The following HDHD5 variants were observed in gnomAD, a reference collection of about 807,000 sequenced individuals.
HDHD5 encodes the protein haloacid dehalogenase like hydrolase domain containing 5.
A neutral mutation model predicts 35.5 loss-of-function variants in HDHD5; 34 were observed. The ratio of observed to expected loss-of-function variants is 0.96; its 90% CI spans 0.73 to 1.28. The LOEUF is 1.28. HDHD5 is among the 50% of genes most tolerant of loss of function. The pLI is 0.00. For synonymous variants in HDHD5, 248 were observed against 240.6 expected (o/e 1.03, Z -0.29); for missense variants, 589 against 560.2 (o/e 1.05, Z -0.52).
At chr22:17,157,815 C>G (rs904361839) in intron 1 of HDHD5, among the ~76,000 whole-genome samples, 1 of 152,212 alleles carries the variant, frequency 6.6e-6, no homozygotes, top group African/African-American at 2.4e-5. Flanking sequence ...AGCTTAGACT[C>G]TGGCACCAGA....
At chr22:17,164,220 C>CA (rs1221623320), upstream of HDHD5, among the ~76,000 whole-genome samples, 2 of 73,336 alleles carry the variant, frequency 2.7e-5, no homozygotes, top group South Asian at 6.8e-4. Context: ...GACTCCATCT[C>CA]AGAAAAAAAA....
intron 3 of HDHD5, among the ~76,000 whole-genome samples, chr22:17,145,595 G>C (rs1217856745): frequency 6.6e-6 from 1 of 152,144 alleles, no homozygotes; most frequent in Non-Finnish European, 1.5e-5. Context: ...AGGAGGCTGG[G>C]GCAGGAGGAT....
At chr22:17,163,802 C>G (rs577094428), upstream of HDHD5, among the ~76,000 whole-genome samples, 93 of 152,328 alleles carry the variant, frequency 6.1e-4, 1 homozygote, top group African/African-American at 2.2e-3. Context: ...AAGTTCCGGC[C>G]TCACACGTGT....
chr22:17,150,954 A>C (rs1236755725), intron 1 of HDHD5, among the ~76,000 whole-genome samples: 1 of 152,230 alleles, frequency 6.6e-6, no homozygotes, highest in Non-Finnish European at 1.5e-5. Context: ...TTTTGCTATG[A>C]AAAATAATGC....
intron 3 of HDHD5, among the ~76,000 whole-genome samples, chr22:17,145,757 C>G (rs114234038): frequency 8.5e-5 from 13 of 152,232 alleles, no homozygotes; most frequent in African/African-American, 2.9e-4. Context: ...AACCAGTGTT[C>G]TCTGAGAACA....
intron 6 of HDHD5, among the ~76,000 whole-genome samples, chr22:17,139,562 T>C (rs1277598373): frequency 2.0e-5 from 3 of 151,790 alleles, no homozygotes; most frequent in Non-Finnish European, 4.4e-5. Flanking sequence ...GACGGTATTC[T>C]TCTCTGCCCT....
At chr22:17,159,526 C>G, upstream of HDHD5, 1 of 460,896 alleles carries the variant, frequency 2.2e-6, no homozygotes, top group South Asian at 1.6e-5. Context: ...GGCGTCCGTA[C>G]TATCGCCCTG....
chr22:17,160,190 G>A (rs5992631), upstream of HDHD5, among the ~76,000 whole-genome samples: 3,277 of 152,214 alleles, frequency 0.022, 106 homozygotes, highest in African/African-American at 0.075. Flanking sequence ...AGAGGGAGTC[G>A]AGGATATGGA....
At chr22:17,159,293 C>CA (rs776065559), upstream of HDHD5, 12 of 1,239,032 alleles carry the variant, frequency 9.7e-6, no homozygotes, top group Middle Eastern at 3.1e-4. Flanking sequence ...GCGGCCCCCC[C>CA]CCCCCGCGAG....
Position 17,151,462 on chromosome 22 carries a change from G to A in HDHD5, c.127-1717C>T, listed in dbSNP as rs368303434. Among the ~76,000 whole-genome samples, 9 of 152,314 alleles carry A rather than the reference G, an allele frequency of 5.9e-5. No homozygotes were observed. The East Asian group carries it at 1.7e-3, about 29-fold the overall frequency. ...ATGGCGCTACAGGCCAGGTGTGGTG[G>A]CTCACGCCTGTAATCCCAGCACTTT... On this transcript the variant is annotated intron_variant, in intron 1 of 7. Transcript: ENST00000336737.
At chr22:17,159,011 G>C (rs1422919833) in intron 1 of HDHD5, 115 bp downstream of exon 1, 1 of 981,786 alleles carries the variant, frequency 1.0e-6, no homozygotes, top group Non-Finnish European at 1.3e-6. Flanking sequence ...CGACGGTCCA[G>C]GCAGTTCCCA....
intron 4 of HDHD5, among the ~76,000 whole-genome samples, chr22:17,144,724 A>AT (rs929381698): frequency 4.7e-5 from 7 of 149,208 alleles, no homozygotes; most frequent in South Asian, 2.1e-4. Context: ...AATTTTTTAA[A>AT]TTTTTTTGTA....
At position 17,138,549 on chromosome 22, in the gene HDHD5, C is replaced by T. The variant is rs752350745; in HGVS notation, c.935+1G>A. 1 of 1,613,622 alleles carries T rather than the reference C, an allele frequency of 6.2e-7. No homozygotes were observed. Among genetic ancestry groups the T allele is most frequent in the Non-Finnish European group, 8.5e-7 (1 of 1,179,688 alleles). ...GACAAAGGAGGGAGAGCAGAGCCTA[C>T]CCCACAGCATAGAGCTTCCGGATGG... On this transcript the variant is annotated splice_donor_variant, in intron 7 of 7. Coordinates refer to ENST00000336737, the MANE Select transcript of HDHD5 (RefSeq NM_033070.3). LOFTEE classifies it high-confidence loss of function.
intron 1 of HDHD5, 197 bp downstream of exon 1, chr22:17,158,929 A>C: frequency 2.4e-6 from 1 of 415,020 alleles, no homozygotes; most frequent in Non-Finnish European, 3.8e-6. Flanking sequence ...AGCGTTTCCG[A>C]GGCCGCCAGC....
At chr22:17,141,282 G>A (rs180873343) in intron 5 of HDHD5, 49 bp from the exon 6 acceptor site, 19 of 1,546,166 alleles carry the variant, frequency 1.2e-5, no homozygotes, top group Admixed American at 6.8e-5. Flanking sequence ...GATGGCAGGC[G>A]GCAGGCCCTC....
chr22:17,155,231 C>CTTTTT (rs539943001), intron 1 of HDHD5, among the ~76,000 whole-genome samples: 5 of 133,240 alleles, frequency 3.8e-5, no homozygotes, highest in Non-Finnish European at 4.9e-5. Flanking sequence ...ATTTGCTTTC[C>CTTTTT]TTTTTTTTTT....
At chr22:17,151,752 A>G (rs35945430) in intron 1 of HDHD5, among the ~76,000 whole-genome samples, 1 of 140,188 alleles carries the variant, frequency 7.1e-6, no homozygotes, top group Non-Finnish European at 1.6e-5. Flanking sequence ...AAAAAAAAAA[A>G]GAAGAAGAAA....
At chr22:17,164,360 A>G (rs2061880156) in intron 1 of HDHD5, among the ~76,000 whole-genome samples, 1 of 152,190 alleles carries the variant, frequency 6.6e-6, no homozygotes, top group Non-Finnish European at 1.5e-5. Flanking sequence ...ATTAGTTAGG[A>G]TTAGGTTTGG....
intron 1 of HDHD5, among the ~76,000 whole-genome samples, chr22:17,153,244 T>C (rs2061749020): frequency 1.3e-5 from 2 of 152,124 alleles, no homozygotes; most frequent in South Asian, 4.1e-4. Flanking sequence ...AATGTGCCGG[T>C]TTATACAAGG....
Sources: allele counts gnomAD v4.1 joint callset (sites outside exome capture counted in the v4.1 genomes callset), GRCh38; gene constraint gnomAD v4.1.1; transcripts MANE v1.5; gene names NCBI Gene and HGNC (gene_info 2026-07-23, HGNC 2026-07-21).